MARK1: variants seen among roughly 807,000 people sequenced by gnomAD.
MARK1 encodes the protein microtubule affinity regulating kinase 1, also known as serine/threonine-protein kinase MARK1.
A neutral mutation model predicts 96.3 loss-of-function variants in MARK1; 40 were observed. The observed-to-expected ratio is 0.42, with a 90% CI of 0.32 to 0.54. The LOEUF (loss-of-function observed/expected upper bound fraction) is 0.54, where lower values mean the gene tolerates loss of function less well. Among genes scored for constraint, MARK1 ranks in the 20% least tolerant of loss-of-function variants. The probability of loss-of-function intolerance (pLI) is 0.16; values close to 1 mark genes in which losing one functional copy is unlikely to be tolerated. For synonymous variants in MARK1, 317 were observed against 341.2 expected, an observed-to-expected ratio of 0.93 and a Z score of 0.78; for missense variants, 719 against 984.6, an observed-to-expected ratio of 0.73 and a Z score of 3.61.
At chr1:220,586,200 A>C (rs1664617695) in intron 3 of MARK1, among the ~76,000 whole-genome samples, 1 of 152,084 alleles carries the variant, frequency 6.6e-6, no homozygotes, top group Non-Finnish European at 1.5e-5. Flanking sequence ...TTTCCACCTC[A>C]TGGACCATGA....
chr1:220,653,397 T>A, intron 16 of MARK1, 45 bp downstream of exon 16: 1 of 1,570,464 alleles, frequency 6.4e-7, no homozygotes, highest in South Asian at 1.2e-5. Flanking sequence ...CTAGAAATTA[T>A]AAAGGAAACT....
At chr1:220,653,029 T>C in intron 15 of MARK1, 72 bp from the exon 16 acceptor site, 1 of 1,563,258 alleles carries the variant, frequency 6.4e-7, no homozygotes, top group South Asian at 1.1e-5. Flanking sequence ...GCTATTTGTT[T>C]CAAGTTTTTA....
chr1:220,634,439 T>A lies in MARK1; in HGVS notation c.1123-937T>A, dbSNP rs535563268. On this transcript the variant is annotated intron_variant, in intron 11 of 17. Transcript: ENST00000366917. ...ACCACTAACTATGCAACTAAGGCAATTAATTTTCTGTGCCTCAGTTTTCTT... is the reference window on the plus strand; with the variant it reads ...ACCACTAACTATGCAACTAAGGCAAATAATTTTCTGTGCCTCAGTTTTCTT... Among the ~76,000 whole-genome samples the A allele has an allele frequency of 1.8e-3, 268 of 152,296 alleles. 1 individual carries two copies. Among genetic ancestry groups the A allele is most frequent in the Middle Eastern group, 3.4e-3 (1 of 294 alleles).
chr1:220,657,701 A>C, intron 16 of MARK1, 89 bp from the exon 17 acceptor site: 1 of 926,096 alleles, frequency 1.1e-6, no homozygotes, highest in East Asian at 3.0e-5. Context: ...TTTGCTCAAC[A>C]AGCTAATTTT....
chr1:220,613,050 G>A (rs989309177), intron 6 of MARK1, among the ~76,000 whole-genome samples: 30 of 152,134 alleles, frequency 2.0e-4, no homozygotes, highest in African/African-American at 5.8e-4. Flanking sequence ...TGGTCTTACC[G>A]TCAGTACCCA....
chr1:220,624,764 GTTAT>G (rs1667235094), intron 9 of MARK1, among the ~76,000 whole-genome samples: 1 of 152,108 alleles, frequency 6.6e-6, no homozygotes, highest in Admixed American at 6.5e-5. Flanking sequence ...ACATCAGAAA[GTTAT>G]TTTCATTTTC....
intron 1 of MARK1, among the ~76,000 whole-genome samples, chr1:220,533,410 A>T (rs547796918): frequency 1.3e-5 from 2 of 152,212 alleles, no homozygotes; most frequent in South Asian, 4.2e-4. Context: ...AGAATTAGAC[A>T]CATGATTTTA....
In MARK1 at chr1:220,653,264, C is replaced by T; in HGVS notation, c.1900C>T (p.Pro634Ser). The change falls in exon 16 of 18, where the codon CCA (proline) becomes TCA (serine). Residue 634 changes from proline (P) to serine (S), a missense_variant. Physicochemically the swap from Pro to Ser is moderately conservative, Grantham distance 74. This residue lies in a region of MARK1 where 501 missense variants were observed against 588.3 expected (regional missense o/e 0.85). Transcript: ENST00000366917. ...SVAYNGPPAS[P>S]SHETGAFAHA... ...TGCTTATAATGGGCCACCTGCTTCA[C>T]CATCCCATGAAACGGGTGCATTTGC... 1.2e-6 allele frequency: 2 copies of T among 1,614,204 alleles called. No individual in the cohort carries two copies. The highest frequency in any genetic ancestry group is 1.7e-6 in the Non-Finnish European group (2 of 1,180,036).
intron 12 of MARK1, 104 bp from the exon 13 acceptor site, chr1:220,635,729 A>T: frequency 8.5e-7 from 1 of 1,181,004 alleles, no homozygotes; most frequent in Non-Finnish European, 1.2e-6. Flanking sequence ...TTCAGAGTTT[A>T]AAGCATGCAA....
intron 9 of MARK1, chr1:220,627,989 T>A (rs1276215268): frequency 6.6e-6 from 1 of 152,224 alleles, no homozygotes; most frequent in Non-Finnish European, 1.5e-5. Context: ...AGTTTCCTTT[T>A]TGAGATACCG....
intron 1 of MARK1, among the ~76,000 whole-genome samples, chr1:220,556,374 C>T (rs1028296590): frequency 2.7e-5 from 4 of 149,772 alleles, no homozygotes; most frequent in African/African-American, 9.8e-5. Context: ...AGTAGAAACC[C>T]CAAACTATGA....
At chr1:220,598,564 C>T (rs1424626198) in intron 4 of MARK1, among the ~76,000 whole-genome samples, 185 bp downstream of exon 4, 3 of 151,604 alleles carry the variant, frequency 2.0e-5, no homozygotes, top group Non-Finnish European at 4.4e-5. Flanking sequence ...TACAAAGAAG[C>T]TAACTGGAGG....
rs78391110 is a variant in MARK1 at position 220,539,765 on chromosome 1, A to C, written c.51+10892A>C. Among the ~76,000 whole-genome samples the C allele has an allele frequency of 4.0e-5, 6 of 151,758 alleles. No individual in the cohort carries two copies. In the East Asian group the frequency reaches 9.7e-4, roughly 24 times the overall value. ...TCCTTCTAATGTGCCGTTGAAATTG[A>C]ATTGCTAGGTTTTTTTTTTTCCTGA... On this transcript the variant is annotated intron_variant, in intron 1 of 17. Coordinates refer to ENST00000366917, the MANE Select transcript of MARK1 (RefSeq NM_018650.5).
At chr1:220,556,373 C>T (rs1232347950) in intron 1 of MARK1, among the ~76,000 whole-genome samples, 1 of 150,442 alleles carries the variant, frequency 6.6e-6, no homozygotes, top group Non-Finnish European at 1.5e-5. Flanking sequence ...GAGTAGAAAC[C>T]CCAAACTATG....
chr1:220,558,486 C>T (rs1662445875), intron 1 of MARK1, among the ~76,000 whole-genome samples: 1 of 151,192 alleles, frequency 6.6e-6, no homozygotes. Flanking sequence ...ATAACTCTAG[C>T]TATTTTAAAG....
chr1:220,587,971 C>T (rs1364631403), intron 3 of MARK1, among the ~76,000 whole-genome samples: 1 of 152,116 alleles, frequency 6.6e-6, no homozygotes, highest in African/African-American at 2.4e-5. Flanking sequence ...TCAAATTGCT[C>T]TCCAGTGTAG....
rs571108541 is a variant in MARK1 at position 220,609,004 on chromosome 1, A to C, written c.495+4867A>C. ...TGTGGACGGTTTTGGAATAAGTGCA[A>C]AGTGATGCTGAGAAGAATGTATATT... is the stretch of plus-strand genomic sequence containing the variant. On this transcript the variant is annotated intron_variant, in intron 6 of 17. Coordinates refer to ENST00000366917, the MANE Select transcript of MARK1 (RefSeq NM_018650.5). Among the ~76,000 whole-genome samples, 4 of 152,278 alleles carry C rather than the reference A, an allele frequency of 2.6e-5. No individual in the cohort carries two copies. In the East Asian group the frequency reaches 7.7e-4, roughly 29 times the overall value.
chr1:220,626,394 GTAT>G (rs1195688023), intron 9 of MARK1: 2 of 548,596 alleles, frequency 3.6e-6, no homozygotes, highest in Non-Finnish European at 7.4e-6. Flanking sequence ...GCAAAGGCAA[GTAT>G]TATGCTGTTA....
intron 1 of MARK1, among the ~76,000 whole-genome samples, chr1:220,566,363 A>T (rs1663058361): frequency 6.6e-6 from 1 of 152,192 alleles, no homozygotes; most frequent in Non-Finnish European, 1.5e-5. Flanking sequence ...ATGATCTATT[A>T]ATAAAGAATA....
Sources: gnomAD v4.1 joint callset for allele counts (sites outside exome capture counted in the v4.1 genomes callset) on GRCh38, gnomAD v4.1.1 for gene constraint, gnomAD v4.1.1 regional missense constraint, MANE v1.5 for transcripts, NCBI Gene and HGNC (gene_info 2026-07-23, HGNC 2026-07-21) for gene names.